Variants in USP36 observed in about 807,000 individuals in gnomAD.
USP36 encodes the protein ubiquitin specific peptidase 36.
In USP36, 59 loss-of-function variants were observed where a neutral mutation model predicts 111.5. That is an observed-to-expected ratio of 0.53 (90% CI 0.43 to 0.66). The LOEUF (loss-of-function observed/expected upper bound fraction) is 0.66. USP36 is among the 30% of genes least tolerant of loss of function. The pLI, the probability that USP36 is intolerant of heterozygous loss-of-function variation, is 0.00. For missense variants in USP36, 1,488 were observed against 1,468.0 expected (o/e 1.01, Z -0.22); for synonymous variants, 628 against 581.0 (o/e 1.08, Z -1.16).
intron 15 of USP36, 131 bp from the exon 16 acceptor site, chr17:78,804,109 TAC>T (rs1352016416): frequency 1.3e-5 from 8 of 612,090 alleles, no homozygotes; most frequent in Non-Finnish European, 1.9e-5. Flanking sequence ...AGTTTTCAGA[TAC>T]ACATTAAGTT....
intron 4 of USP36, among the ~76,000 whole-genome samples, chr17:78,832,498 T>C (rs1342898082): frequency 1.3e-5 from 2 of 152,190 alleles, no homozygotes; most frequent in African/African-American, 4.8e-5. Flanking sequence ...GACCAGGCGT[T>C]CCCCTTGAAG....
chr17:78,788,233 C>T (rs1036311447), intron 3 of USP36, among the ~76,000 whole-genome samples: 5 of 151,954 alleles, frequency 3.3e-5, no homozygotes, highest in Non-Finnish European at 4.4e-5. Context: ...GGTGCAATCT[C>T]GGCTCACTGC....
Position 78,798,762 on chromosome 17 carries a change from C to T in USP36, c.3240+146G>A. Reference sequence around the variant, plus strand: ...GCGAGGATGCATGCCCTGTCCATGGCCACACGCCCGGACAGGCCTGGGCAG... The same window carrying T: ...GCGAGGATGCATGCCCTGTCCATGGTCACACGCCCGGACAGGCCTGGGCAG... On this transcript the variant is annotated intron_variant, in intron 19 of 20. Transcript: ENST00000449938. This position sits in a 1 kb window ranked among gnomAD's most constrained non-coding sequence, Gnocchi z 5.1. The T allele has an allele frequency of 8.2e-7, 1 of 1,212,574 alleles. No individual in the cohort carries two copies. 75.1% of individuals were successfully genotyped at this position (1,212,574 alleles called of 1,614,324 possible).
chr17:78,801,278 G>A (rs894377830), intron 17 of USP36, among the ~76,000 whole-genome samples: 2 of 152,156 alleles, frequency 1.3e-5, no homozygotes, highest in African/African-American at 4.8e-5. Flanking sequence ...CCCCGGCCAG[G>A]GCAGTACTTC....
intron 4 of USP36, among the ~76,000 whole-genome samples, chr17:78,830,799 T>C (rs1038568621): frequency 6.6e-6 from 1 of 152,220 alleles, no homozygotes; most frequent in Admixed American, 6.5e-5. Flanking sequence ...GAGATTGCCT[T>C]TACATAAAGG....
chr17:78,821,807 C>T, intron 7 of USP36, 130 bp downstream of exon 7: 10 of 1,018,396 alleles, frequency 9.8e-6, no homozygotes, highest in Non-Finnish European at 1.5e-5. Flanking sequence ...AACCATGGCT[C>T]AAGACCTCAG....
intron 17 of USP36, among the ~76,000 whole-genome samples, chr17:78,801,578 A>G (rs1427211254): frequency 6.6e-6 from 1 of 151,472 alleles, no homozygotes; most frequent in Non-Finnish European, 1.5e-5. Flanking sequence ...GGCATGCCCC[A>G]GCCAGCCCTA....
At chr17:78,815,431 T>G (rs1237045120) in intron 10 of USP36, among the ~76,000 whole-genome samples, 1 of 152,192 alleles carries the variant, frequency 6.6e-6, no homozygotes, top group African/African-American at 2.4e-5. Context: ...CATCAAGCAA[T>G]GCAGGATCTG....
At chr17:78,820,928 TTC>T in intron 8 of USP36, 61 bp downstream of exon 8, 3 of 1,530,368 alleles carry the variant, frequency 2.0e-6, no homozygotes, top group South Asian at 1.2e-5. Flanking sequence ...GTTCTGCGGG[TTC>T]TGTTTCACCC....
At chr17:78,802,776 A>G (rs1321373148) in intron 16 of USP36, among the ~76,000 whole-genome samples, 2 of 152,126 alleles carry the variant, frequency 1.3e-5, no homozygotes, top group Non-Finnish European at 2.9e-5. Context: ...GTTGACGCCA[A>G]TGTGCAGGCT....
intron 6 of USP36, among the ~76,000 whole-genome samples, chr17:78,823,718 T>A (rs2094385873): frequency 6.6e-6 from 1 of 151,974 alleles, no homozygotes; most frequent in African/African-American, 2.4e-5. Context: ...GCAGGCAGCC[T>A]TAGAAGGGCA....
intron 11 of USP36, 60 bp downstream of exon 11, chr17:78,814,352 G>A: frequency 6.3e-7 from 1 of 1,598,254 alleles, no homozygotes; most frequent in Non-Finnish European, 8.5e-7. Context: ...GCCGCATCTG[G>A]ATGTGCATGG....
chr17:78,807,252 C>T lies in USP36; in HGVS notation c.1792G>A (p.Gly598Arg). The change falls in exon 14 of 21, where the codon GGG (glycine) becomes AGG (arginine). Residue 598 changes from glycine (G) to arginine (R), a missense_variant. Coordinates refer to ENST00000449938, the MANE Select transcript of USP36 (RefSeq NM_001385174.1). ...TCGAGGCCAGCGCTCTCGTCGTTCC[C>T]CTTCAGCCCATGCCCGTTGGCAGTG... Reference protein sequence around the residue: ...TATANGHGLKGNDESAGLDRR... With the variant: ...TATANGHGLKRNDESAGLDRR... 1 of 1,614,132 alleles carries T rather than the reference C, an allele frequency of 6.2e-7. No homozygotes were observed.
chr17:78,790,212 C>T (rs1012222171), intron 3 of USP36, among the ~76,000 whole-genome samples: 2 of 152,148 alleles, frequency 1.3e-5, no homozygotes, highest in Admixed American at 6.5e-5. Flanking sequence ...CCTCAGCCTC[C>T]CTGAATAGCT....
Position 78,836,149 on chromosome 17 carries a change from C to T in USP36, c.215G>A (p.Arg72His), listed in dbSNP as rs199832721. Reference protein sequence around the residue: ...LLNPKTEGASRHKSGDDPPAR... With the variant: ...LLNPKTEGASHHKSGDDPPAR... ...CGGTGGGTCATCTCCACTCTTGTGG[C>T]GACTAGCTCCCTCTGTTTTGGGGTT... is the stretch of plus-strand genomic sequence containing the variant. Residue 72 changes from arginine (R) to histidine (H), a missense_variant, in exon 3 of 21, where the codon CGC (arginine) becomes CAC (histidine). This residue lies in a region of USP36 where 219 missense variants were observed against 209.5 expected (regional missense o/e 1.05). Coordinates refer to ENST00000449938, the MANE Select transcript of USP36 (RefSeq NM_001385174.1). 53 of 1,613,950 alleles carry T rather than the reference C, an allele frequency of 3.3e-5. No homozygotes were observed. Among genetic ancestry groups the T allele is most frequent in the South Asian group, 1.8e-4 (16 of 91,066 alleles).
Position 78,829,014 on chromosome 17 carries a change from G to A in USP36, c.476-7C>T. On this transcript the variant is annotated splice_region_variant and splice_polypyrimidine_tract_variant and intron_variant, in intron 4 of 20. Transcript: ENST00000449938. Reference sequence around the variant, plus strand: ...CAGAAGCTTCCCTGGTGGCCTGCCGGCGTGGAAGGAGGAGCAATTTTAAGA... The same window carrying A: ...CAGAAGCTTCCCTGGTGGCCTGCCGACGTGGAAGGAGGAGCAATTTTAAGA... The A allele has an allele frequency of 6.2e-7, 1 of 1,611,348 alleles. No homozygotes were observed. Among genetic ancestry groups the A allele is most frequent in the South Asian group, 1.1e-5 (1 of 90,874 alleles).
intron 7 of USP36, 122 bp downstream of exon 7, chr17:78,821,815 C>CA: frequency 8.8e-7 from 1 of 1,130,284 alleles, no homozygotes; most frequent in Non-Finnish European, 1.3e-6. Context: ...CTCAAGACCT[C>CA]AGAGACTGAC....
chr17:78,808,158 TTTTC>T (rs1461411572), intron 13 of USP36, among the ~76,000 whole-genome samples: 1 of 152,256 alleles, frequency 6.6e-6, no homozygotes, highest in Non-Finnish European at 1.5e-5. Context: ...TTTTTCAATC[TTTTC>T]TTCCAAATGG....
At position 78,807,202 on chromosome 17, in the gene USP36, G is replaced by A. The variant is rs770367607; in HGVS notation, c.1842C>T (p.Ser614=). Residue 614 remains serine (S), a synonymous_variant, in exon 14 of 21, where the codon AGC becomes AGT. Transcript: ENST00000449938. The part of the protein sequence containing the change: ...GLDRRGSSSS[S]PEHSASSDST... ...AGTCGCTGCTGGCCGAGTGCTCTGG[G>A]CTGGAGCTGCTGGAGCCCCTCCTGT... 1.2e-6 allele frequency: 2 copies of A among 1,614,072 alleles called. No homozygotes were observed. The highest frequency in any genetic ancestry group is 1.7e-6 in the Non-Finnish European group (2 of 1,179,996).
Sources: allele counts gnomAD v4.1 joint callset (sites outside exome capture counted in the v4.1 genomes callset), GRCh38; gene constraint gnomAD v4.1.1; regional missense constraint gnomAD v4.1.1; non-coding constraint Gnocchi (gnomAD v3.1); transcripts MANE v1.5; gene names NCBI Gene and HGNC (gene_info 2026-07-23, HGNC 2026-07-21).